CSMD1: variants seen among roughly 807,000 people sequenced by gnomAD.
CSMD1 encodes the protein CUB and sushi domain-containing protein 1.
Under a neutral mutation model 417.5 loss-of-function variants are expected in CSMD1, and 213 were observed. The ratio of observed to expected loss-of-function variants is 0.51; its 90% confidence interval spans 0.46 to 0.57. CSMD1 has a LOEUF of 0.57. CSMD1 is among the 20% of genes least tolerant of loss of function. CSMD1 has a pLI of 0.00. For missense variants in CSMD1, 6,923 were observed against 4,529.7 expected, an observed-to-expected ratio of 1.53 and a Z score of -15.17; for synonymous variants, 2,862 against 1,736.8, an observed-to-expected ratio of 1.65 and a Z score of -16.11.
At chr8:3,282,005 C>T (rs1318027365) in intron 26 of CSMD1, among the ~76,000 whole-genome samples, 1 of 152,190 alleles carries the variant, frequency 6.6e-6, no homozygotes, top group African/African-American at 2.4e-5. Context: ...GTGACTGCTT[C>T]CCCTTTACCT....
At chr8:2,952,919 GC>G (rs1802737401) in intron 65 of CSMD1, among the ~76,000 whole-genome samples, 2 of 152,126 alleles carry the variant, frequency 1.3e-5, no homozygotes, top group Non-Finnish European at 2.9e-5. Context: ...GTTGCTGGCA[GC>G]CCGCAGTACA....
chr8:3,966,321 A>C (rs1311199367), intron 5 of CSMD1, among the ~76,000 whole-genome samples: 1 of 152,214 alleles, frequency 6.6e-6, no homozygotes, highest in Admixed American at 6.5e-5. Context: ...AGGGAAAGAA[A>C]TAGCATCTTG....
At chr8:4,465,297 C>A (rs1392858057) in intron 2 of CSMD1, among the ~76,000 whole-genome samples, 4 of 152,122 alleles carry the variant, frequency 2.6e-5, no homozygotes, top group Non-Finnish European at 5.9e-5. Context: ...AACCCAGACA[C>A]TAGGATGTCT....
chr8:4,614,240 AC>A (rs1801349165), intron 2 of CSMD1, among the ~76,000 whole-genome samples: 1 of 152,188 alleles, frequency 6.6e-6, no homozygotes, highest in African/African-American at 2.4e-5. Flanking sequence ...GAGGAGATGG[AC>A]CCAAGACTAG....
Position 3,476,967 on chromosome 8 carries a change from G to C in CSMD1, c.1449-8143C>G, listed in dbSNP as rs571056906. Among the ~76,000 whole-genome samples the C allele has an allele frequency of 1.4e-3, 220 of 151,886 alleles. 1 individual carries two copies. Among genetic ancestry groups the C allele is most frequent in the African/African-American group, 5.2e-3 (215 of 41,390 alleles). Reference sequence around the variant, plus strand: ...GTAAGTAGTTCAGGGTTTAAGTTGGGGGAGCCTGTCAACACAAAGGGATAC... The same window carrying C: ...GTAAGTAGTTCAGGGTTTAAGTTGGCGGAGCCTGTCAACACAAAGGGATAC... On this transcript the variant is annotated intron_variant, in intron 11 of 69. Transcript: ENST00000635120.
chr8:3,082,273 A>T (rs187289914), intron 49 of CSMD1, among the ~76,000 whole-genome samples: 103 of 152,272 alleles, frequency 6.8e-4, no homozygotes, highest in Middle Eastern at 6.8e-3. Flanking sequence ...CACAGATGGG[A>T]TTGTATCTCT....
intron 8 of CSMD1, among the ~76,000 whole-genome samples, chr8:3,602,394 C>T (rs1801406726): frequency 6.6e-6 from 1 of 152,104 alleles, no homozygotes. Flanking sequence ...ACCTGAGATT[C>T]TGAAGAGATT....
chr8:3,931,366 C>T (rs1291254988), intron 5 of CSMD1, among the ~76,000 whole-genome samples: 1 of 150,586 alleles, frequency 6.6e-6, no homozygotes, highest in Non-Finnish European at 1.5e-5. Flanking sequence ...CCTCATTTCT[C>T]AGGCTTCTAT....
chr8:3,488,626 C>G (rs1446603361), intron 11 of CSMD1, among the ~76,000 whole-genome samples: 1 of 152,194 alleles, frequency 6.6e-6, no homozygotes, highest in Non-Finnish European at 1.5e-5. Context: ...TATTCTCTCT[C>G]TGCCTCCTCG....
chr8:3,661,256 C>G (rs1202827358), intron 7 of CSMD1, among the ~76,000 whole-genome samples: 1 of 152,172 alleles, frequency 6.6e-6, no homozygotes, highest in African/African-American at 2.4e-5. Flanking sequence ...CTTGGCCAGT[C>G]CCAGCAGCCA....
chr8:3,218,378 T>C (rs912605331), intron 29 of CSMD1, among the ~76,000 whole-genome samples: 6 of 149,330 alleles, frequency 4.0e-5, no homozygotes, highest in Non-Finnish European at 7.4e-5. Context: ...TGGCTAACAC[T>C]GTGAAACCCC....
At chr8:4,739,828 A>C (rs1232093981) in intron 1 of CSMD1, among the ~76,000 whole-genome samples, 2 of 151,824 alleles carry the variant, frequency 1.3e-5, no homozygotes, top group East Asian at 3.9e-4. Context: ...TGATCTTTCC[A>C]TGTCTGGCCC....
intron 47 of CSMD1, 126 bp downstream of exon 47, chr8:3,096,723 G>C (rs1382747354): frequency 1.2e-5 from 8 of 681,540 alleles, no homozygotes; most frequent in East Asian, 1.1e-4. Flanking sequence ...TTTATTTTTT[G>C]TTTGCTTTGG....
chr8:3,423,215 CTT>C (rs1262441322), intron 12 of CSMD1, among the ~76,000 whole-genome samples: 1 of 152,130 alleles, frequency 6.6e-6, no homozygotes, highest in Non-Finnish European at 1.5e-5. Flanking sequence ...TTTAAGGAGT[CTT>C]AATTTAATTT....
At position 4,737,026 on chromosome 8, in the gene CSMD1, T is replaced by C. The variant is rs567498849; in HGVS notation, c.86-99468A>G. ...CATTTAACATTCTATCATAAAGACATATGCACATGTAAGTTTATTGCAGCA... is the reference window on the plus strand; with the variant it reads ...CATTTAACATTCTATCATAAAGACACATGCACATGTAAGTTTATTGCAGCA... On this transcript the variant is annotated intron_variant, in intron 1 of 69. Transcript: ENST00000635120. Among the ~76,000 whole-genome samples the C allele has an allele frequency of 2.0e-5, 3 of 152,280 alleles. No homozygotes were observed. The East Asian group carries it at 5.8e-4, about 29-fold the overall frequency.
chr8:4,115,080 T>A lies in CSMD1; in HGVS notation c.416-82981A>T, dbSNP rs1585344143. Among the ~76,000 whole-genome samples, 3 of 152,314 alleles carry A rather than the reference T, an allele frequency of 2.0e-5. No individual in the cohort carries two copies. In the East Asian group the frequency reaches 5.8e-4, roughly 29 times the overall value. The stretch of plus-strand genomic sequence containing the variant: ...AATTGCTACTCCGAGCAAAATGCTG[T>A]CAAACGGAATTGAAACCTAGAGATA... On this transcript the variant is annotated intron_variant, in intron 3 of 69. Transcript: ENST00000635120.
intron 33 of CSMD1, among the ~76,000 whole-genome samples, chr8:3,199,210 A>G (rs66735147): frequency 0.18 from 27,522 of 152,198 alleles, 2,620 homozygotes; most frequent in South Asian, 0.31. Context: ...AATAAAACAC[A>G]AACAAAATAA....
At chr8:4,530,945 C>G (rs748728860) in intron 2 of CSMD1, among the ~76,000 whole-genome samples, 3 of 152,040 alleles carry the variant, frequency 2.0e-5, no homozygotes, top group African/African-American at 7.2e-5. Flanking sequence ...CACAAAAAGA[C>G]AGACCTAGTA....
chr8:3,339,257 A>T (rs897958922), intron 23 of CSMD1, among the ~76,000 whole-genome samples: 54 of 151,978 alleles, frequency 3.6e-4, no homozygotes, highest in Non-Finnish European at 7.2e-4. Flanking sequence ...AATGTCGTTT[A>T]TACCCATCTG....
Sources: allele counts gnomAD v4.1 joint callset (sites outside exome capture counted in the v4.1 genomes callset), GRCh38; gene constraint gnomAD v4.1.1; transcripts MANE v1.5; gene names NCBI Gene and HGNC (gene_info 2026-07-23, HGNC 2026-07-21).